The following NCOR2 variants were observed in gnomAD, a reference collection of about 807,000 sequenced individuals.
The protein encoded by NCOR2 is CTG repeat protein 26.
Under a neutral mutation model 262.9 loss-of-function variants are expected in NCOR2, and 81 were observed. That is an observed-to-expected ratio of 0.31 (90% confidence interval 0.26 to 0.37). The LOEUF (loss-of-function observed/expected upper bound fraction) is 0.37. Among genes scored for constraint, NCOR2 ranks in the 10% least tolerant of loss-of-function variants. The pLI is 1.00. For missense variants in NCOR2, 3,385 were observed against 3,621.4 expected, an observed-to-expected ratio of 0.93 and a Z score of 1.68; for synonymous variants, 1,659 against 1,559.3, an observed-to-expected ratio of 1.06 and a Z score of -1.51.
chr12:124,561,698 C>T (rs181746925), intron 1 of NCOR2, among the ~76,000 whole-genome samples: 24 of 152,156 alleles, frequency 1.6e-4, no homozygotes, highest in African/African-American at 5.3e-4. Context: ...GATGGCACCA[C>T]GCAGAGAAAA....
intron 1 of NCOR2, among the ~76,000 whole-genome samples, chr12:124,560,098 C>T (rs1290313076): frequency 6.6e-6 from 1 of 152,230 alleles, no homozygotes; most frequent in Admixed American, 6.5e-5. Context: ...GAATGACCTT[C>T]AAACTCACAC....
chr12:124,561,028 A>C (rs2052052616), intron 1 of NCOR2, among the ~76,000 whole-genome samples: 1 of 152,256 alleles, frequency 6.6e-6, no homozygotes, highest in Admixed American at 6.5e-5. Flanking sequence ...TGTCTTTTGC[A>C]GGTATCTGCT....
chr12:124,427,413 G>A (rs906975893), intron 10 of NCOR2, among the ~76,000 whole-genome samples: 2 of 152,326 alleles, frequency 1.3e-5, no homozygotes, highest in South Asian at 2.1e-4. Flanking sequence ...ACTATTAAGA[G>A]GCTCTGAGCC....
At chr12:124,335,037 C>T (rs936006157) in intron 40 of NCOR2, 98 bp downstream of exon 42, 21 of 1,582,518 alleles carry the variant, frequency 1.3e-5, no homozygotes, top group Admixed American at 1.0e-4. Context: ...CCAGCCACCC[C>T]GCCAGGACAG....
rs767815601 is a variant in NCOR2, at chr12:124,336,828, A to T, written c.6040T>A (p.Ser2014Thr). The change falls in exon 38 of 47, where the codon TCG becomes ACG. Residue 2014 changes from serine (S) to threonine (T), a missense_variant. Coordinates refer to ENST00000405201, the Ensembl canonical transcript of NCOR2. ...TTTTCCCGGTGCGGGTCCGAGGCCG[A>T]GGCAGGTGGCGCCGGCGGGTCCGGG... The T allele has an allele frequency of 1.2e-6, 2 of 1,612,842 alleles. No individual in the cohort carries two copies. The highest frequency in any genetic ancestry group is 1.7e-6 in the Non-Finnish European group (2 of 1,179,662).
chr12:124,358,389 C>T (rs541457254), intron 22 of NCOR2, among the ~76,000 whole-genome samples: 7 of 148,216 alleles, frequency 4.7e-5, no homozygotes, highest in East Asian at 4.0e-4. Flanking sequence ...TGCACGTGCA[C>T]GTGCATGTGT....
chr12:124,487,901 A>G (rs950585407), intron 1 of NCOR2, among the ~76,000 whole-genome samples: 1 of 151,924 alleles, frequency 6.6e-6, no homozygotes, highest in Admixed American at 6.6e-5. Flanking sequence ...AAAGACAGTA[A>G]CAAGCCTCTC....
upstream of NCOR2, among the ~76,000 whole-genome samples, chr12:124,497,198 G>A (rs1320538690): frequency 6.6e-6 from 1 of 152,184 alleles, no homozygotes; most frequent in African/African-American, 2.4e-5. The surrounding 1 kb of genome is among the most constrained non-coding windows in gnomAD (Gnocchi z 4.2). Context: ...CCCTTCAACT[G>A]GCTGCTGTCC....
At chr12:124,469,728 C>G (rs2046729219) in intron 4 of NCOR2, among the ~76,000 whole-genome samples, 1 of 152,160 alleles carries the variant, frequency 6.6e-6, no homozygotes, top group African/African-American at 2.4e-5. Context: ...TTTGGAAGAT[C>G]AAGGAGATAA....
intron 11 of NCOR2, among the ~76,000 whole-genome samples, chr12:124,426,397 G>T (rs1263415059): frequency 6.6e-6 from 1 of 152,218 alleles, no homozygotes; most frequent in African/African-American, 2.4e-5. Flanking sequence ...GCACCAGCTG[G>T]GAAGAGGTCA....
intron 11 of NCOR2, among the ~76,000 whole-genome samples, chr12:124,423,018 G>A (rs888429973): frequency 3.3e-5 from 5 of 152,228 alleles, no homozygotes; most frequent in African/African-American, 1.2e-4. Flanking sequence ...CTCCCCAGAA[G>A]AGCTGGGAGC....
Position 124,334,627 on chromosome 12 carries a change from A to C in NCOR2, c.6412-10T>G. ...CCTGTGTGATGACCTCCTGCAGGCA[A>C]GTGGGGGGGCCCAGAGTCAGGCAGC... On this transcript the variant is annotated splice_polypyrimidine_tract_variant and intron_variant, in intron 40 of 46. Transcript: ENST00000405201. 1 of 1,318,736 alleles carries C rather than the reference A, an allele frequency of 7.6e-7. No individual in the cohort carries two copies. Among genetic ancestry groups the C allele is most frequent in the East Asian group, 3.0e-5 (1 of 33,338 alleles). The allele number at this position is 1,318,736 out of a possible 1,614,324, so 81.7% of individuals were successfully genotyped here. A position where few individuals can be genotyped will look rare whatever the true frequency, so the allele number is the denominator to read the frequency against.
chr12:124,546,961 C>T (rs911319618), intron 1 of NCOR2, among the ~76,000 whole-genome samples: 8 of 151,942 alleles, frequency 5.3e-5, no homozygotes, highest in East Asian at 1.9e-4. Flanking sequence ...GCTAGCATAC[C>T]GTTAACATTG....
At chr12:124,326,102 C>T (rs1040051899) in intron 46 of NCOR2, 89 bp downstream of exon 48, 23 of 1,317,946 alleles carry the variant, frequency 1.7e-5, no homozygotes, top group Non-Finnish European at 2.3e-5. Flanking sequence ...CTGCATGCAG[C>T]AGGCGCTCAG....
At chr12:124,423,687 G>A (rs1052904902) in intron 11 of NCOR2, among the ~76,000 whole-genome samples, 1 of 152,124 alleles carries the variant, frequency 6.6e-6, no homozygotes, top group Admixed American at 6.5e-5. Flanking sequence ...CCCCTCCCAC[G>A]GGGTTTCCCC....
chr12:124,438,645 G>C (rs2044525426), intron 7 of NCOR2, among the ~76,000 whole-genome samples: 1 of 151,078 alleles, frequency 6.6e-6, no homozygotes, highest in South Asian at 2.1e-4. Flanking sequence ...AAGAGAAGGA[G>C]GCACGTCCTG....
At chr12:124,339,219 A>ACCCCCCCCCCCCCCCC (rs1555300759) in intron 37 of NCOR2, among the ~76,000 whole-genome samples, 6 of 63,316 alleles carry the variant, frequency 9.5e-5, no homozygotes, top group African/African-American at 2.2e-4. Context: ...TCTACCTACC[A>ACCCCCCCCCCCCCCCC]CCCACCCACC....
chr12:124,402,634 T>A (rs2042046061), intron 13 of NCOR2, 73 bp from the exon 16 acceptor site: 2 of 1,537,774 alleles, frequency 1.3e-6, no homozygotes, highest in Non-Finnish European at 1.7e-6. Context: ...TCTCTGCACC[T>A]GGGCTCAGCC....
exon 2 of NCOR2, chr12:124,486,561 C>CCGA: frequency 6.4e-7 from 1 of 1,573,804 alleles, no homozygotes; most frequent in Non-Finnish European, 8.6e-7. Context: ...CTCCAGGAGC[C>CCGA]CGACGTCCTG....
Sources: gnomAD v4.1 joint callset for allele counts (sites outside exome capture counted in the v4.1 genomes callset) on GRCh38, gnomAD v4.1.1 for gene constraint, Gnocchi (gnomAD v3.1) non-coding constraint, MANE v1.5 for transcripts, NCBI Gene and HGNC (gene_info 2026-07-23, HGNC 2026-07-21) for gene names.